Variants in RGS6 observed in about 807,000 individuals in gnomAD.
The protein encoded by RGS6 is regulator of G-protein signaling 6.
A neutral mutation model predicts 78.5 loss-of-function variants in RGS6; 30 were observed. The observed-to-expected ratio is 0.38, with a 90% CI of 0.29 to 0.52. RGS6 has a LOEUF of 0.52. Among genes scored for constraint, RGS6 ranks in the 20% least tolerant of loss-of-function variants. The pLI, the probability that RGS6 is intolerant of heterozygous loss-of-function variation, is 0.85. For missense variants in RGS6, 495 were observed against 609.7 expected (o/e 0.81, Z 1.98); for synonymous variants, 206 against 206.0 (o/e 1.00, Z 0.00).
intron 2 of RGS6, among the ~76,000 whole-genome samples, chr14:72,146,730 T>G (rs753956456): frequency 6.6e-6 from 1 of 152,230 alleles, no homozygotes; most frequent in African/African-American, 2.4e-5. Context: ...CCAAACATGC[T>G]TTTTTCATTC....
chr14:72,452,339 C>T (rs904881325), intron 3 of RGS6, among the ~76,000 whole-genome samples: 4 of 151,918 alleles, frequency 2.6e-5, no homozygotes, highest in African/African-American at 9.7e-5. Context: ...GAGGAGAAGC[C>T]TAGAAGTGCT....
At chr14:72,240,252 C>T (rs538251767) in intron 2 of RGS6, among the ~76,000 whole-genome samples, 2 of 152,280 alleles carry the variant, frequency 1.3e-5, no homozygotes, top group African/African-American at 2.4e-5. Flanking sequence ...CAGCCTTGAT[C>T]CTAATCTGTC....
intron 2 of RGS6, among the ~76,000 whole-genome samples, chr14:72,271,965 T>A (rs3819550): frequency 0.52 from 78,439 of 150,426 alleles, 21,156 homozygotes; most frequent in Non-Finnish European, 0.58. Context: ...TTAAGGACTC[T>A]GTGATGGCAC....
At chr14:72,337,959 A>G (rs1324082617) in intron 2 of RGS6, among the ~76,000 whole-genome samples, 1 of 152,228 alleles carries the variant, frequency 6.6e-6, no homozygotes, top group Admixed American at 6.5e-5. Context: ...TTTCTTGGGG[A>G]TGAAAAATAA....
intron 2 of RGS6, among the ~76,000 whole-genome samples, chr14:72,242,792 T>C (rs1157728622): frequency 6.6e-6 from 1 of 151,748 alleles, no homozygotes; most frequent in East Asian, 1.9e-4. Flanking sequence ...TCAAAAATTT[T>C]TTAAACATAT....
intron 3 of RGS6, among the ~76,000 whole-genome samples, chr14:72,434,729 G>A: frequency 6.6e-6 from 1 of 152,218 alleles, no homozygotes; most frequent in East Asian, 1.9e-4. Context: ...CATGTTGAAT[G>A]AATAGTAAAA....
At chr14:72,223,107 C>T (rs1345507246) in intron 2 of RGS6, among the ~76,000 whole-genome samples, 1 of 152,142 alleles carries the variant, frequency 6.6e-6, no homozygotes, top group Non-Finnish European at 1.5e-5. Flanking sequence ...TTCAAGAGTT[C>T]AAATTTGTTG....
chr14:72,113,558 G>A (rs910708631), intron 2 of RGS6, among the ~76,000 whole-genome samples: 2 of 152,230 alleles, frequency 1.3e-5, no homozygotes, highest in Admixed American at 1.3e-4. Context: ...AGGGTCTGAT[G>A]TTCTAACAGT....
intron 2 of RGS6, among the ~76,000 whole-genome samples, chr14:72,264,348 CTG>C (rs2058679903): frequency 6.6e-6 from 1 of 152,204 alleles, no homozygotes; most frequent in Admixed American, 6.5e-5. Flanking sequence ...GTAAGTAAAT[CTG>C]TGTGAGTAGA....
At chr14:72,289,007 C>T (rs575354743) in intron 2 of RGS6, among the ~76,000 whole-genome samples, 9 of 152,152 alleles carry the variant, frequency 5.9e-5, no homozygotes, top group South Asian at 2.1e-4. Context: ...TGCAGAGCCA[C>T]GAAACCCAAA....
intron 2 of RGS6, among the ~76,000 whole-genome samples, chr14:72,183,227 T>C (rs1233172007): frequency 2.0e-5 from 3 of 152,216 alleles, no homozygotes; most frequent in Non-Finnish European, 4.4e-5. Flanking sequence ...TACTCTCCAT[T>C]TCTGCTGGGA....
At chr14:72,386,089 A>T (rs2087887187) in intron 3 of RGS6, among the ~76,000 whole-genome samples, 1 of 152,064 alleles carries the variant, frequency 6.6e-6, no homozygotes, top group South Asian at 2.1e-4. Context: ...CAGGATGTGG[A>T]TTGAAGGAAG....
At chr14:71,895,291 C>G in the RGS6 span, among the ~76,000 whole-genome samples, 12 of 152,140 alleles carry the variant, frequency 7.9e-5, no homozygotes, top group African/African-American at 2.9e-4. Flanking sequence ...TCAAGTGATT[C>G]TCCTGCCTCA....
intron 2 of RGS6, among the ~76,000 whole-genome samples, chr14:72,214,177 ATT>A (rs35022655): frequency 0.022 from 2,865 of 131,148 alleles, 82 homozygotes; most frequent in African/African-American, 0.074. Flanking sequence ...TTATTTTCTT[ATT>A]TTTTTTTTTT....
intron 14 of RGS6, among the ~76,000 whole-genome samples, chr14:72,513,036 G>A (rs80021147): frequency 0.01 from 1,548 of 152,328 alleles, 36 homozygotes; most frequent in African/African-American, 0.036. Context: ...TCCCTTCTCC[G>A]CAGGATTGGT....
At chr14:72,160,354 A>G (rs188563696) in intron 2 of RGS6, among the ~76,000 whole-genome samples, 1 of 152,352 alleles carries the variant, frequency 6.6e-6, no homozygotes, top group East Asian at 1.9e-4. Context: ...TAAAAAAGTC[A>G]TCAAATGTCA....
intron 2 of RGS6, among the ~76,000 whole-genome samples, chr14:72,084,910 C>A (rs1389735529): frequency 6.6e-6 from 1 of 152,116 alleles, no homozygotes; most frequent in East Asian, 1.9e-4. Flanking sequence ...AGGTGGGAAG[C>A]CTTTCTGTGA....
chr14:72,293,738 GA>G (rs1429792912), intron 2 of RGS6, among the ~76,000 whole-genome samples: 34 of 152,274 alleles, frequency 2.2e-4, no homozygotes, highest in African/African-American at 8.2e-4. Flanking sequence ...GTATGGACCT[GA>G]AGAAAATGAA....
At chr14:72,449,686 G>A (rs561950883) in intron 3 of RGS6, among the ~76,000 whole-genome samples, 1 of 152,346 alleles carries the variant, frequency 6.6e-6, no homozygotes, top group East Asian at 1.9e-4. Context: ...GAGAGGTGCA[G>A]GTTGGCACCC....
Sources: gnomAD v4.1 joint callset for allele counts (sites outside exome capture counted in the v4.1 genomes callset) on GRCh38, gnomAD v4.1.1 for gene constraint, MANE v1.5 for transcripts, NCBI Gene and HGNC (gene_info 2026-07-23, HGNC 2026-07-21) for gene names.